Variants in OPCML observed in about 807,000 individuals in gnomAD.
OPCML encodes the protein opioid-binding protein/cell adhesion molecule.
A neutral mutation model predicts 37.8 loss-of-function variants in OPCML; 13 were observed. The observed-to-expected ratio is 0.34, with a 90% CI of 0.22 to 0.55. The LOEUF (loss-of-function observed/expected upper bound fraction) is 0.55, where lower values mean the gene tolerates loss of function less well. Among genes scored for constraint, OPCML ranks in the 20% least tolerant of loss-of-function variants. The probability of loss-of-function intolerance (pLI) is 0.91; values close to 1 mark genes in which losing one functional copy is unlikely to be tolerated. For synonymous variants in OPCML, 176 were observed against 168.8 expected (o/e 1.04, Z -0.33); for missense variants, 341 against 435.6 (o/e 0.78, Z 1.93).
intron 1 of OPCML, among the ~76,000 whole-genome samples, chr11:132,985,446 A>G (rs764173296): frequency 6.6e-6 from 1 of 152,200 alleles, no homozygotes; most frequent in Non-Finnish European, 1.5e-5. Flanking sequence ...GGTTCTTGCC[A>G]TGAGAACCCT....
chr11:132,480,486 A>AG (rs1393202222), intron 4 of OPCML, among the ~76,000 whole-genome samples: 1 of 152,230 alleles, frequency 6.6e-6, no homozygotes, highest in African/African-American at 2.4e-5. Flanking sequence ...CTAGCAAGGC[A>AG]GGCCAACATT....
At chr11:132,452,776 G>C (rs1368852877) in intron 4 of OPCML, among the ~76,000 whole-genome samples, 1 of 152,146 alleles carries the variant, frequency 6.6e-6, no homozygotes, top group Non-Finnish European at 1.5e-5. Flanking sequence ...GTATACTCCA[G>C]TGAGGAAAGA....
At chr11:133,304,242 C>T (rs992828834) in intron 1 of OPCML, among the ~76,000 whole-genome samples, 14 of 152,278 alleles carry the variant, frequency 9.2e-5, no homozygotes, top group African/African-American at 2.9e-4. Context: ...TTCACTATAA[C>T]GTAGCCCCTT....
rs111440763 is a variant in OPCML at position 133,255,535 on chromosome 11, A to G, written c.61+276729T>C. Among the ~76,000 whole-genome samples, 689 of 152,352 alleles carry G rather than the reference A, an allele frequency of 4.5e-3. 6 individuals carry two copies. The highest frequency in any genetic ancestry group is 0.016 in the African/African-American group (648 of 41,572). On this transcript the variant is annotated intron_variant, in intron 1 of 7. Coordinates refer to ENST00000524381, the MANE Select transcript of OPCML (RefSeq NM_001012393.5). ...AAACAATTTATAACAAAGCCAAAAG[A>G]CAAATAAAACATTTTTGGATTGGGG...
At chr11:133,092,844 CAG>C (rs1948929901) in intron 1 of OPCML, among the ~76,000 whole-genome samples, 1 of 148,950 alleles carries the variant, frequency 6.7e-6, no homozygotes, top group South Asian at 2.1e-4. Flanking sequence ...AGGAGAGAGA[CAG>C]AGAAAGAGAG....
chr11:132,626,949 T>C (rs1040240592), intron 3 of OPCML, among the ~76,000 whole-genome samples: 3 of 150,428 alleles, frequency 2.0e-5, no homozygotes, highest in Admixed American at 2.0e-4. Context: ...TAAAAAATCA[T>C]TTTTCCTGAT....
At chr11:132,509,628 G>A (rs1481945290) in intron 4 of OPCML, among the ~76,000 whole-genome samples, 2 of 152,340 alleles carry the variant, frequency 1.3e-5, no homozygotes, top group East Asian at 3.9e-4. Context: ...CGCAGGCTGT[G>A]GCTTCAGAGG....
chr11:132,500,151 A>G (rs2096242505), intron 4 of OPCML, among the ~76,000 whole-genome samples: 1 of 152,198 alleles, frequency 6.6e-6, no homozygotes, highest in Non-Finnish European at 1.5e-5. Flanking sequence ...AGTCATCAGT[A>G]GACCATCATG....
chr11:132,804,166 C>T (rs1221155376), intron 2 of OPCML, among the ~76,000 whole-genome samples: 1 of 152,140 alleles, frequency 6.6e-6, no homozygotes, highest in Non-Finnish European at 1.5e-5. Flanking sequence ...TACCTGGAGA[C>T]AGTTTCCCAA....
In OPCML at chr11:132,997,543, T is replaced by G. The variant is rs532809455; in HGVS notation, c.62-54533A>C. Reference sequence around the variant, plus strand: ...AGCTGGAGAGACAGTGCTGTATGCATGCACATGCCATCCACGCCGCAATGC... The same window carrying G: ...AGCTGGAGAGACAGTGCTGTATGCAGGCACATGCCATCCACGCCGCAATGC... On this transcript the variant is annotated intron_variant, in intron 1 of 7. Transcript: ENST00000524381. Among the ~76,000 whole-genome samples the G allele has an allele frequency of 1.1e-4, 17 of 152,224 alleles. No individual in the cohort carries two copies. In the South Asian group the frequency reaches 3.3e-3, roughly 30 times the overall value.
At chr11:132,839,892 C>T (rs1941215420) in intron 2 of OPCML, among the ~76,000 whole-genome samples, 1 of 152,152 alleles carries the variant, frequency 6.6e-6, no homozygotes, top group African/African-American at 2.4e-5. Flanking sequence ...GGGTTTCTTG[C>T]TTTGTGGACA....
intron 1 of OPCML, among the ~76,000 whole-genome samples, chr11:133,101,164 C>T (rs931029007): frequency 1.3e-5 from 2 of 152,142 alleles, no homozygotes; most frequent in African/African-American, 4.8e-5. Context: ...ACCTTGTGAT[C>T]TGCCTGCTTC....
At position 133,049,804 on chromosome 11, in the gene OPCML, G is replaced by A. The variant is rs117859172; in HGVS notation, c.62-106794C>T. On this transcript the variant is annotated intron_variant, in intron 1 of 7. Transcript: ENST00000524381. ...ATGTGTCAGCTCAGCTAGGCTGAAC[G>A]GCAGCCCCCAGAATCCACATTCTAG... 2.4e-3 allele frequency among the ~76,000 whole-genome samples: 371 copies of A among 152,302 alleles called. 10 individuals are homozygous for A. The East Asian group carries it at 0.062, about 26-fold the overall frequency.
intron 3 of OPCML, among the ~76,000 whole-genome samples, chr11:132,608,608 TA>T (rs148341815): frequency 6.6e-6 from 1 of 152,032 alleles, no homozygotes; most frequent in Non-Finnish European, 1.5e-5. Flanking sequence ...AGAGAATTAA[TA>T]AAAAATGATT....
chr11:133,178,438 A>AATAT (rs542145571), intron 1 of OPCML, among the ~76,000 whole-genome samples: 2 of 150,916 alleles, frequency 1.3e-5, no homozygotes, highest in Admixed American at 1.3e-4. Flanking sequence ...TTCAAATATG[A>AATAT]ATATATATAT....
intron 4 of OPCML, among the ~76,000 whole-genome samples, chr11:132,479,861 A>G (rs1233855790): frequency 6.6e-6 from 1 of 152,120 alleles, no homozygotes; most frequent in African/African-American, 2.4e-5. Flanking sequence ...CGCACAAAAA[A>G]CCCATCTGTA....
rs1941757863 is a variant in OPCML, at chr11:132,657,312, T to C, written c.154A>G (p.Ile52Val). The change falls in exon 3 of 8, where the codon ATA (isoleucine) becomes GTA (valine). Residue 52 changes from isoleucine to valine, a missense_variant. Physicochemically the swap from Ile to Val is conservative, Grantham distance 29 (BLOSUM62 3). Transcript: ENST00000524381. The part of the protein sequence containing the change: ...QGESATLRCT[I>V]DDRVTRVAWL... ...GCCACCCGGGTTACCCGGTCATCTA[T>C]GGTACACCTGCAGTGAGGCAGGGAG... 10 of 1,613,992 alleles carry C rather than the reference T, an allele frequency of 6.2e-6. No individual in the cohort carries two copies. In the African/African-American group the frequency reaches 6.7e-5, roughly 11 times the overall value.
chr11:132,879,027 A>T (rs1156467414), intron 2 of OPCML, among the ~76,000 whole-genome samples: 1 of 152,270 alleles, frequency 6.6e-6, no homozygotes, highest in Admixed American at 6.5e-5. Context: ...GACAAGAAGT[A>T]TTAGAACAAC....
At chr11:133,180,137 A>T (rs1265717140) in intron 1 of OPCML, among the ~76,000 whole-genome samples, 5 of 152,206 alleles carry the variant, frequency 3.3e-5, no homozygotes, top group African/African-American at 4.8e-5. Context: ...CGTAGGAAGC[A>T]TGGCCTTTCA....
Sources: gnomAD v4.1 joint callset for allele counts (sites outside exome capture counted in the v4.1 genomes callset) on GRCh38, gnomAD v4.1.1 for gene constraint, MANE v1.5 for transcripts, NCBI Gene and HGNC (gene_info 2026-07-23, HGNC 2026-07-21) for gene names.